TBC1D20: variants seen among roughly 807,000 people sequenced by gnomAD.
The protein encoded by TBC1D20 is chromosome 20 open reading frame 140.
TBC1D20 carries 12 observed loss-of-function variants against 41.6 expected under a neutral mutation model. The observed-to-expected ratio is 0.29, with a 90% confidence interval of 0.18 to 0.47. The LOEUF (loss-of-function observed/expected upper bound fraction) is 0.47. TBC1D20 is among the 20% of genes least tolerant of loss of function. TBC1D20 has a pLI of 1.00. For missense variants in TBC1D20, 421 were observed against 517.4 expected, an observed-to-expected ratio of 0.81 and a Z score of 1.81; for synonymous variants, 205 against 204.8, an observed-to-expected ratio of 1.00 and a Z score of -0.01.
rs529345622 is a variant in TBC1D20, at chr20:436,257, C to G, written c.*2329G>C. On this transcript the variant is annotated 3_prime_UTR_variant, in exon 8 of 8. Transcript: ENST00000354200. Reference sequence around the variant, plus strand: ...GAGACCATTCCCACTGAGCGGTGGCCAAGGACGGAATGACAGAAGAGGTGA... The same window carrying G: ...GAGACCATTCCCACTGAGCGGTGGCGAAGGACGGAATGACAGAAGAGGTGA... 2 of 152,294 alleles carry G rather than the reference C, an allele frequency of 1.3e-5. No individual in the cohort carries two copies. The highest frequency in any genetic ancestry group is 4.8e-5 in the African/African-American group (2 of 41,554). The allele number at this position is 152,294 out of a possible 1,614,324, so 9.4% of individuals were successfully genotyped here. A position where few individuals can be genotyped will look rare whatever the true frequency, so the allele number is the denominator to read the frequency against.
chr20:452,235 T>C (rs2017457456), intron 1 of TBC1D20, among the ~76,000 whole-genome samples: 1 of 152,080 alleles, frequency 6.6e-6, no homozygotes, highest in Admixed American at 6.6e-5. Flanking sequence ...TGAACCCCGG[T>C]GGCAGAGGCT....
rs1433482992 is a variant in TBC1D20 at position 438,040 on chromosome 20, C to T, written c.*546G>A. The T allele has an allele frequency of 6.5e-6, 1 of 153,552 alleles. No individual in the cohort carries two copies. Among genetic ancestry groups the T allele is most frequent in the East Asian group, 1.9e-4 (1 of 5,194 alleles). The allele number at this position is 153,552 out of a possible 1,614,324, so 9.5% of individuals were successfully genotyped here. On this transcript the variant is annotated 3_prime_UTR_variant, in exon 8 of 8. Transcript: ENST00000354200. ...AACGAGTAACCTAGTTCCCTTCTGT[C>T]TCTGATTTCTGATCAGCTGATGGAG...
intron 5 of TBC1D20, chr20:440,777 C>G (rs910900510): frequency 5.9e-6 from 1 of 168,174 alleles, no homozygotes; most frequent in African/African-American, 2.4e-5. Flanking sequence ...TTTCTGTTAA[C>G]ATGAGACAAC....
chr20:457,057 C>G (rs1381941081), intron 1 of TBC1D20, among the ~76,000 whole-genome samples: 2 of 151,572 alleles, frequency 1.3e-5, no homozygotes, highest in East Asian at 3.9e-4. Context: ...CTGCCTCAGC[C>G]TCCCGAGTAG....
Position 449,462 on chromosome 20 carries a change from GCA to G in TBC1D20, c.71-1390_71-1389del, listed in dbSNP as rs1600336897. Among the ~76,000 whole-genome samples, 6 of 151,118 alleles carry G rather than the reference GCA, an allele frequency of 4.0e-5. No homozygotes were observed. In the East Asian group the frequency reaches 1.2e-3, roughly 30 times the overall value. On this transcript the variant is annotated intron_variant, in intron 1 of 7. Transcript: ENST00000354200. ...ATACAAAAATTAGCCAGGCGTGGTGGCATGCACCTGTAATCCCAGCTACTCGG... is the reference window on the plus strand; with the variant it reads ...ATACAAAAATTAGCCAGGCGTGGTGGTGCACCTGTAATCCCAGCTACTCGG...
intron 6 of TBC1D20, among the ~76,000 whole-genome samples, 156 bp downstream of exon 6, chr20:440,092 C>G (rs999192112): frequency 4.6e-5 from 7 of 152,112 alleles, no homozygotes; most frequent in African/African-American, 1.7e-4. Context: ...GTGTGACACC[C>G]CCATTAATAC....
intron 1 of TBC1D20, among the ~76,000 whole-genome samples, chr20:458,873 A>T (rs1000159155): frequency 1.3e-5 from 2 of 152,100 alleles, no homozygotes; most frequent in Non-Finnish European, 2.9e-5. Context: ...CCAGAGGAGG[A>T]TGCTGTCCCA....
Position 436,179 on chromosome 20 carries a change from C to CAGA in TBC1D20, c.*2404_*2406dup, listed in dbSNP as rs2017114589. ...CCAGTCAAGGCTGACCAGGAGTCCACAGACCATGGCACAGTTCTGGGCCTG... is the reference window on the plus strand; with the variant it reads ...CCAGTCAAGGCTGACCAGGAGTCCACAGAAGACCATGGCACAGTTCTGGGCCTG... On this transcript the variant is annotated 3_prime_UTR_variant, in exon 8 of 8. Transcript: ENST00000354200. 6.6e-6 allele frequency: 1 copy of CAGA among 152,220 alleles called. No homozygotes were observed. The highest frequency in any genetic ancestry group is 1.5e-5 in the Non-Finnish European group (1 of 68,056). 9.4% of individuals were successfully genotyped at this position (152,220 alleles called of 1,614,324 possible). A position where few individuals can be genotyped will look rare whatever the true frequency, so the allele number is the denominator to read the frequency against.
At chr20:462,284 C>T (rs966525363) in intron 1 of TBC1D20, 52 bp downstream of exon 1, 2 of 1,214,738 alleles carry the variant, frequency 1.6e-6, no homozygotes, top group South Asian at 2.5e-5. Context: ...CTGCCCCTGC[C>T]CCCCGGGCCG....
chr20:462,409 C>T lies in TBC1D20; in HGVS notation c.-4G>A, dbSNP rs1195217497. 5 of 1,229,334 alleles carry T rather than the reference C, an allele frequency of 4.1e-6. No individual in the cohort carries two copies. Among genetic ancestry groups the T allele is most frequent in the African/African-American group, 1.6e-5 (1 of 62,960 alleles). The allele number at this position is 1,229,334 out of a possible 1,614,324, so 76.2% of individuals were successfully genotyped here. On this transcript the variant is annotated 5_prime_UTR_variant, in exon 1 of 8. Transcript: ENST00000354200. ...CCTGCGCACTCCGGAGGGCCATGCC[C>T]CGGGGCCCCGGGCCCCCACCCGAGC... is the stretch of plus-strand genomic sequence containing the variant.
In TBC1D20 at chr20:439,829, T is replaced by C. The variant is rs2017191349; in HGVS notation, c.768+419A>G. Among the ~76,000 whole-genome samples the C allele has an allele frequency of 6.6e-6, 1 of 152,180 alleles. No homozygotes were observed. Among genetic ancestry groups the C allele is most frequent in the Non-Finnish European group, 1.5e-5 (1 of 68,022 alleles). On this transcript the variant is annotated intron_variant, in intron 6 of 7. Transcript: ENST00000354200. This position sits in a 1 kb window ranked among gnomAD's most constrained non-coding sequence, Gnocchi z 4.6. Reference sequence around the variant, plus strand: ...AGACCCTTCTACTAACTGAAGCCCCTACCCTCCACCGCAAGCCGCCTCCCT... The same window carrying C: ...AGACCCTTCTACTAACTGAAGCCCCCACCCTCCACCGCAAGCCGCCTCCCT...
intron 1 of TBC1D20, among the ~76,000 whole-genome samples, chr20:456,833 T>C (rs2017548606): frequency 6.6e-6 from 1 of 152,130 alleles, no homozygotes; most frequent in African/African-American, 2.4e-5. Context: ...CCCAAAGTGC[T>C]GGGATTACAG....
chr20:462,453 C>G lies in TBC1D20; in HGVS notation c.-48G>C. On this transcript the variant is annotated 5_prime_UTR_variant, in exon 1 of 8. Transcript: ENST00000354200. ...CCCGAGCCCCGGCTGGTGGCGGAGCCGGGAGAAGACGCGGCTCCGACCGCG... is the reference window on the plus strand; with the variant it reads ...CCCGAGCCCCGGCTGGTGGCGGAGCGGGGAGAAGACGCGGCTCCGACCGCG... 4.5e-6 allele frequency: 5 copies of G among 1,107,188 alleles called. No individual in the cohort carries two copies. The highest frequency in any genetic ancestry group is 5.7e-6 in the Non-Finnish European group (5 of 878,648). 68.6% of individuals were successfully genotyped at this position (1,107,188 alleles called of 1,614,324 possible). A position where few individuals can be genotyped will look rare whatever the true frequency, so the allele number is the denominator to read the frequency against.
intron 1 of TBC1D20, among the ~76,000 whole-genome samples, chr20:452,222 G>C (rs2017456762): frequency 6.6e-6 from 1 of 152,188 alleles, no homozygotes; most frequent in Non-Finnish European, 1.5e-5. Context: ...GAGGAGAATT[G>C]CTTGAACCCC....
intron 1 of TBC1D20, among the ~76,000 whole-genome samples, chr20:454,799 G>A (rs1026126178): frequency 9.2e-5 from 14 of 151,988 alleles, no homozygotes; most frequent in Admixed American, 6.6e-5. Flanking sequence ...AGCCTCCCAG[G>A]TAGCCAGGAT....
intron 1 of TBC1D20, among the ~76,000 whole-genome samples, chr20:456,767 T>C (rs1019443516): frequency 4.0e-5 from 6 of 150,824 alleles, no homozygotes; most frequent in African/African-American, 1.5e-4. Flanking sequence ...GGTTTTGCCA[T>C]GTTGGCCAGG....
chr20:462,217 A>C (rs1390990631), intron 1 of TBC1D20, 119 bp downstream of exon 1: 1 of 549,068 alleles, frequency 1.8e-6, no homozygotes, highest in Admixed American at 5.7e-5. Flanking sequence ...CGCCGCCCGG[A>C]ACCCCGCAGC....
rs2122438154 is a variant in TBC1D20 at position 462,406 on chromosome 20, G to A, written c.-1C>T. 8.2e-7 allele frequency: 1 copy of A among 1,226,744 alleles called. No individual in the cohort carries two copies. The highest frequency in any genetic ancestry group is 2.6e-5 in the South Asian group (1 of 37,852). 76.0% of individuals were successfully genotyped at this position (1,226,744 alleles called of 1,614,324 possible). ...CGCCCTGCGCACTCCGGAGGGCCAT[G>A]CCCCGGGGCCCCGGGCCCCCACCCG... On this transcript the variant is annotated 5_prime_UTR_variant, in exon 1 of 8. Coordinates refer to ENST00000354200, the MANE Select transcript of TBC1D20 (RefSeq NM_144628.4).
intron 1 of TBC1D20, among the ~76,000 whole-genome samples, chr20:451,008 A>G (rs188765918): frequency 1.3e-5 from 2 of 152,320 alleles, no homozygotes; most frequent in African/African-American, 4.8e-5. Context: ...ACCATTGAGA[A>G]AATATGTCAA....
Sources: allele counts gnomAD v4.1 joint callset (sites outside exome capture counted in the v4.1 genomes callset), GRCh38; gene constraint gnomAD v4.1.1; non-coding constraint Gnocchi (gnomAD v3.1); transcripts MANE v1.5; gene names NCBI Gene and HGNC (gene_info 2026-07-23, HGNC 2026-07-21).